Variants in BMPR2 observed in about 807,000 individuals in gnomAD.
BMPR2 encodes bone morphogenetic protein receptor type 2.
Under a neutral mutation model 100.8 loss-of-function variants are expected in BMPR2, and 29 were observed. That is an observed-to-expected ratio of 0.29 (90% CI 0.21 to 0.39). The LOEUF (loss-of-function observed/expected upper bound fraction) is 0.39, where lower values mean the gene tolerates loss of function less well. BMPR2 is among the 10% of genes least tolerant of loss of function. The pLI, the probability that BMPR2 is intolerant of heterozygous loss-of-function variation, is 1.00. For synonymous variants in BMPR2, 382 were observed against 442.3 expected (o/e 0.86, Z 1.71); for missense variants, 1,011 against 1,274.5 (o/e 0.79, Z 3.15).
chr2:202,394,702 C>T (rs573997344), intron 1 of BMPR2, among the ~76,000 whole-genome samples: 10 of 151,918 alleles, frequency 6.6e-5, no homozygotes, highest in Admixed American at 2.0e-4. Context: ...TATTATACTA[C>T]GTGCTTTATT....
intron 1 of BMPR2, among the ~76,000 whole-genome samples, chr2:202,402,952 C>T (rs1218972173): frequency 1.3e-5 from 2 of 151,698 alleles, no homozygotes; most frequent in African/African-American, 2.4e-5. Flanking sequence ...CCTCAGCCTC[C>T]GGAGTAGATG....
chr2:202,555,567 C>T lies in BMPR2; in HGVS notation c.1902C>T (p.Tyr634=), dbSNP rs2105711528. The T allele has an allele frequency of 1.9e-6, 3 of 1,614,098 alleles. No homozygotes were observed. Among genetic ancestry groups the T allele is most frequent in the Non-Finnish European group, 2.5e-6 (3 of 1,180,030 alleles). The change falls in exon 12 of 13, where the codon TAC becomes TAT. Residue 634 remains tyrosine, a synonymous_variant. Coordinates refer to ENST00000374580, the MANE Select transcript of BMPR2 (RefSeq NM_001204.7). ...TGMTTISEMP[Y]PDETNLHTTN... ...TGACTACTATATCTGAGATGCCATA[C>T]CCAGATGAAACAAATCTGCATACCA...
intron 1 of BMPR2, among the ~76,000 whole-genome samples, chr2:202,410,814 C>T (rs1174995539): frequency 1.3e-5 from 2 of 151,590 alleles, no homozygotes; most frequent in Admixed American, 6.6e-5. Flanking sequence ...CTCCTGACAT[C>T]GTAATCCGCC....
At chr2:202,524,407 C>G (rs1434793665) in intron 7 of BMPR2, among the ~76,000 whole-genome samples, 1 of 149,196 alleles carries the variant, frequency 6.7e-6, no homozygotes, top group East Asian at 2.0e-4. Flanking sequence ...ATGCTCATTA[C>G]ACGAATAACA....
intron 3 of BMPR2, among the ~76,000 whole-genome samples, chr2:202,488,156 G>A (rs1043585453): frequency 6.6e-6 from 1 of 152,126 alleles, no homozygotes; most frequent in Non-Finnish European, 1.5e-5. Context: ...AGGTGAATAC[G>A]ATTTTGTTTC....
At chr2:202,418,350 C>T (rs1691180676) in intron 1 of BMPR2, among the ~76,000 whole-genome samples, 2 of 152,100 alleles carry the variant, frequency 1.3e-5, no homozygotes, top group Non-Finnish European at 2.9e-5. Context: ...ATCTGTTTTG[C>T]CTAAGACATA....
At chr2:202,540,060 A>G (rs901970638) in intron 9 of BMPR2, among the ~76,000 whole-genome samples, 7 of 152,140 alleles carry the variant, frequency 4.6e-5, no homozygotes, top group African/African-American at 1.7e-4. Context: ...CTATTGAACA[A>G]TTAGATTTTG....
At position 202,567,221 on chromosome 2, in the gene BMPR2, A is replaced by G. The variant is rs983172125; in HGVS notation, c.*7275A>G. ...TAGTAGCTGAAACATGGAGATGCGT[A>G]GCTGTCATGCTTTTTCTGAATGGAC... On this transcript the variant is annotated 3_prime_UTR_variant, in exon 13 of 13. Coordinates refer to ENST00000374580, the MANE Select transcript of BMPR2 (RefSeq NM_001204.7). The G allele has an allele frequency of 1.3e-5, 2 of 152,678 alleles. No individual in the cohort carries two copies. The highest frequency in any genetic ancestry group is 2.9e-5 in the Non-Finnish European group (2 of 68,050). 9.5% of individuals were successfully genotyped at this position (152,678 alleles called of 1,614,324 possible).
intron 3 of BMPR2, among the ~76,000 whole-genome samples, chr2:202,498,527 G>C (rs549359804): frequency 2.0e-5 from 3 of 150,170 alleles, no homozygotes; most frequent in African/African-American, 7.5e-5. Context: ...CTGCTGCGTC[G>C]GTGAGCACAA....
chr2:202,408,225 G>C (rs1179240841), intron 1 of BMPR2, among the ~76,000 whole-genome samples: 2 of 152,208 alleles, frequency 1.3e-5, no homozygotes, highest in African/African-American at 4.8e-5. Context: ...AGTCATGTCT[G>C]ATTTTGGGTA....
rs142672659 is a variant in BMPR2 at position 202,387,984 on chromosome 2, C to T, written c.76+10434C>T. Among the ~76,000 whole-genome samples the T allele has an allele frequency of 2.0e-3, 307 of 152,248 alleles. 1 individual carries two copies. The highest frequency in any genetic ancestry group is 3.5e-3 in the Non-Finnish European group (240 of 68,028). Reference sequence around the variant, plus strand: ...ATATAACTTTTCTGAGATACTTAATCGTTTTTTCCTTTGGCTAAACCAATG... The same window carrying T: ...ATATAACTTTTCTGAGATACTTAATTGTTTTTTCCTTTGGCTAAACCAATG... On this transcript the variant is annotated intron_variant, in intron 1 of 12. Transcript: ENST00000374580.
At chr2:202,403,915 G>C (rs1690823547) in intron 1 of BMPR2, among the ~76,000 whole-genome samples, 2 of 150,790 alleles carry the variant, frequency 1.3e-5, no homozygotes, top group Admixed American at 1.3e-4. Flanking sequence ...TGAGGGAGGA[G>C]AATTGTTTGA....
intron 1 of BMPR2, among the ~76,000 whole-genome samples, chr2:202,425,134 G>T (rs968884270): frequency 2.0e-5 from 3 of 151,828 alleles, no homozygotes; most frequent in African/African-American, 7.3e-5. Flanking sequence ...GGCTAGTCTC[G>T]AACTCTTGAC....
intron 9 of BMPR2, among the ~76,000 whole-genome samples, chr2:202,539,718 GAT>G (rs1415934488): frequency 1.3e-5 from 2 of 151,830 alleles, no homozygotes; most frequent in East Asian, 1.9e-4. Flanking sequence ...AAAAAGAAGA[GAT>G]AGAAAAAGGA....
chr2:202,405,951 C>T (rs6753765), intron 1 of BMPR2, among the ~76,000 whole-genome samples: 153 of 152,174 alleles, frequency 1.0e-3, no homozygotes, highest in African/African-American at 3.5e-3. Context: ...TGAAATTATA[C>T]AGTCATTTTG....
At chr2:202,411,797 T>C (rs1277001720) in intron 1 of BMPR2, among the ~76,000 whole-genome samples, 3 of 152,036 alleles carry the variant, frequency 2.0e-5, no homozygotes, top group Non-Finnish European at 4.4e-5. Flanking sequence ...TAAACCCAAA[T>C]TGAGGAACAT....
At chr2:202,501,288 G>A (rs879715556) in intron 3 of BMPR2, among the ~76,000 whole-genome samples, 1 of 152,184 alleles carries the variant, frequency 6.6e-6, no homozygotes, top group Non-Finnish European at 1.5e-5. Context: ...GGAATTACCG[G>A]CTTTTGCCGA....
chr2:202,550,621 G>A (rs371380290), intron 10 of BMPR2, among the ~76,000 whole-genome samples: 3 of 151,790 alleles, frequency 2.0e-5, no homozygotes, highest in African/African-American at 4.8e-5. Context: ...TTGGGAGACC[G>A]AGGCAGAAGG....
chr2:202,455,625 T>A (rs1692082146), intron 1 of BMPR2, among the ~76,000 whole-genome samples: 1 of 152,208 alleles, frequency 6.6e-6, no homozygotes, highest in Non-Finnish European at 1.5e-5. Flanking sequence ...TATAATGAAC[T>A]CCTTTAAGAA....
Sources: allele counts gnomAD v4.1 joint callset (sites outside exome capture counted in the v4.1 genomes callset), GRCh38; gene constraint gnomAD v4.1.1; transcripts MANE v1.5; gene names NCBI Gene and HGNC (gene_info 2026-07-23, HGNC 2026-07-21).